The following LBX2 variants were observed in gnomAD, a reference collection of about 807,000 sequenced individuals.
LBX2 encodes transcription factor LBX2.
Under a neutral mutation model 7.5 loss-of-function variants are expected in LBX2, and 6 were observed. That is an observed-to-expected ratio of 0.80 (90% CI 0.44 to 1.59). LBX2 has a LOEUF of 1.59. Ranked by LOEUF, LBX2 falls within the 40% of genes most tolerant of loss-of-function variation. The pLI is 0.01. For synonymous variants in LBX2, 143 were observed against 133.2 expected (o/e 1.07, Z -0.51); for missense variants, 281 against 282.0 (o/e 1.00, Z 0.03).
At position 74,498,097 on chromosome 2, in the gene LBX2, C is replaced by A; in HGVS notation, c.427G>T (p.Asp143Tyr). 1 of 1,613,184 alleles carries A rather than the reference C, an allele frequency of 6.2e-7. No homozygotes were observed. The highest frequency in any genetic ancestry group is 1.7e-5 in the Admixed American group (1 of 59,984). ...FQNRRAKLKRDVEEMRADVAS... is the reference protein window; with the variant it reads ...FQNRRAKLKRYVEEMRADVAS... ...ACGTCGGCGCGCATCTCCTCCACAT[C>A]GCGCTTGAGCTTGGCTCGCCGGTTC... The change falls in exon 2 of 2, where the codon GAT (aspartate) becomes TAT (tyrosine). Residue 143 changes from aspartate (D) to tyrosine (Y), a missense_variant. Asp to Tyr is a radical substitution (Grantham distance 160). Coordinates refer to ENST00000377566, the MANE Select transcript of LBX2 (RefSeq NM_001282430.2).
intron 1 of LBX2, chr2:74,498,980 C>G: frequency 3.1e-6 from 1 of 321,978 alleles, no homozygotes; most frequent in East Asian, 6.2e-5. Flanking sequence ...TTCTGTGCCG[C>G]CTTTGCAGGC....
upstream of LBX2, chr2:74,499,828 CGG>C: frequency 1.9e-6 from 1 of 513,232 alleles, no homozygotes; most frequent in South Asian, 2.2e-5. The surrounding 1 kb of genome is among the most constrained non-coding windows in gnomAD (Gnocchi z 4.6). Context: ...CTCCGCGCTG[CGG>C]GGCGCTGCAC....
Position 74,499,215 on chromosome 2 carries a change from G to C in LBX2, c.205+118C>G. Reference sequence around the variant, plus strand: ...TGCGAGTCCTGGCACGTGGGCTGAGGACAGGGGAGGATTAGGGTGGGTGGC... The same window carrying C: ...TGCGAGTCCTGGCACGTGGGCTGAGCACAGGGGAGGATTAGGGTGGGTGGC... On this transcript the variant is annotated intron_variant, in intron 1 of 1. Transcript: ENST00000377566. This position sits in a 1 kb window ranked among gnomAD's most constrained non-coding sequence, Gnocchi z 4.6. 1 of 882,246 alleles carries C rather than the reference G, an allele frequency of 1.1e-6. No homozygotes were observed. The highest frequency in any genetic ancestry group is 1.8e-6 in the Non-Finnish European group (1 of 557,826). 54.7% of individuals were successfully genotyped at this position (882,246 alleles called of 1,614,324 possible). A position where few individuals can be genotyped will look rare whatever the true frequency, so the allele number is the denominator to read the frequency against.
chr2:74,502,938 C>T (rs1183516816), upstream of LBX2: 5 of 1,275,952 alleles, frequency 3.9e-6, no homozygotes, highest in Non-Finnish European at 5.4e-6. The surrounding 1 kb of genome is among the most constrained non-coding windows in gnomAD (Gnocchi z 5.4). Flanking sequence ...AATCCTGGTG[C>T]TGTCGCCTTT....
At chr2:74,499,971 A>C (rs1384486392), upstream of LBX2, among the ~76,000 whole-genome samples, 3 of 152,174 alleles carry the variant, frequency 2.0e-5, no homozygotes, top group Admixed American at 6.5e-5. This position sits in a 1 kb window ranked among gnomAD's most constrained non-coding sequence, Gnocchi z 4.6. Context: ...GGGGATTTGC[A>C]AAGTTCTGAG....
upstream of LBX2, chr2:74,502,999 G>A (rs2104307886): frequency 1.4e-6 from 1 of 722,308 alleles, no homozygotes. The surrounding 1 kb of genome is among the most constrained non-coding windows in gnomAD (Gnocchi z 5.4). Flanking sequence ...CAGGGGCAAG[G>A]TTTGGCCCTC....
In LBX2 at chr2:74,499,077, G is replaced by A. The variant is rs900689821; in HGVS notation, c.205+256C>T. ...GCGATTGCCCCGCCTACAAGGAACA[G>A]AGCAACAGGTCGCTCAGTTGGCGAC... On this transcript the variant is annotated intron_variant, in intron 1 of 1. Transcript: ENST00000377566. The surrounding 1 kb of genome is among the most constrained non-coding windows in gnomAD (Gnocchi z 4.6). The A allele has an allele frequency of 8.6e-6, 5 of 579,388 alleles. No homozygotes were observed. The Admixed American group carries it at 1.2e-4, about 14-fold the overall frequency. The allele number at this position is 579,388 out of a possible 1,614,324, so 35.9% of individuals were successfully genotyped here.
At chr2:74,499,697 A>ACCTCTCCT, upstream of LBX2, 3 of 697,400 alleles carry the variant, frequency 4.3e-6, no homozygotes, top group Non-Finnish European at 7.0e-6. The surrounding 1 kb of genome is among the most constrained non-coding windows in gnomAD (Gnocchi z 4.6). Context: ...CCACCTCTCC[A>ACCTCTCCT]CCCCGGGCCG....
intron 1 of LBX2, chr2:74,498,547 C>T (rs1189835029): frequency 3.6e-6 from 2 of 555,782 alleles, no homozygotes; most frequent in African/African-American, 1.9e-5. Flanking sequence ...AGGCTGAGGG[C>T]ATATTGTAGG....
chr2:74,499,552 G>A lies in LBX2; in HGVS notation c.-15C>T. The A allele has an allele frequency of 6.5e-7, 1 of 1,542,762 alleles. No homozygotes were observed. Among genetic ancestry groups the A allele is most frequent in the Non-Finnish European group, 8.8e-7 (1 of 1,142,024 alleles). Reference sequence around the variant, plus strand: ...CCCGAGTTCATGGTCGGCCGGGCTGGGGCGGTCCGGCTGTCCGTTGCGCTA... The same window carrying A: ...CCCGAGTTCATGGTCGGCCGGGCTGAGGCGGTCCGGCTGTCCGTTGCGCTA... On this transcript the variant is annotated 5_prime_UTR_variant, in exon 1 of 2. Transcript: ENST00000377566. This position sits in a 1 kb window ranked among gnomAD's most constrained non-coding sequence, Gnocchi z 4.6.
chr2:74,500,079 C>G (rs556636975), upstream of LBX2, among the ~76,000 whole-genome samples: 39 of 152,282 alleles, frequency 2.6e-4, no homozygotes, highest in African/African-American at 9.4e-4. Context: ...CCCTGAGAAA[C>G]GTTGTTTCTG....
At chr2:74,499,861 C>T (rs1674448864), upstream of LBX2, 1 of 381,378 alleles carries the variant, frequency 2.6e-6, no homozygotes, top group Admixed American at 4.3e-5. This position sits in a 1 kb window ranked among gnomAD's most constrained non-coding sequence, Gnocchi z 4.6. Context: ...CAGGCCGGGC[C>T]ATACCTCCAG....
upstream of LBX2, among the ~76,000 whole-genome samples, chr2:74,501,146 A>G (rs775915181): frequency 4.6e-5 from 7 of 152,104 alleles, no homozygotes; most frequent in Non-Finnish European, 7.4e-5. Flanking sequence ...CAACATTCAC[A>G]TAATGCCCTC....
upstream of LBX2, chr2:74,502,299 C>A (rs1298959082): frequency 1.2e-5 from 3 of 260,158 alleles, no homozygotes; most frequent in African/African-American, 6.7e-5. This position sits in a 1 kb window ranked among gnomAD's most constrained non-coding sequence, Gnocchi z 5.4. Flanking sequence ...CCCGGGCCGC[C>A]CCCGCTCGAC....
At chr2:74,499,706 C>G (rs946206585), upstream of LBX2, 8 of 666,272 alleles carry the variant, frequency 1.2e-5, no homozygotes, top group Non-Finnish European at 2.0e-5. The surrounding 1 kb of genome is among the most constrained non-coding windows in gnomAD (Gnocchi z 4.6). Flanking sequence ...CACCCCGGGC[C>G]GCGGTGGATC....
upstream of LBX2, chr2:74,499,762 A>T: frequency 1.7e-6 from 1 of 593,594 alleles, no homozygotes; most frequent in Admixed American, 3.0e-5. This position sits in a 1 kb window ranked among gnomAD's most constrained non-coding sequence, Gnocchi z 4.6. Context: ...AGGCTGGGGC[A>T]GGCGCGGAGA....
upstream of LBX2, chr2:74,502,650 T>C: frequency 6.2e-7 from 1 of 1,612,858 alleles, no homozygotes; most frequent in Non-Finnish European, 8.5e-7. The surrounding 1 kb of genome is among the most constrained non-coding windows in gnomAD (Gnocchi z 5.4). Context: ...CCGGTCCTTA[T>C]ATCTTAGTTT....
upstream of LBX2, chr2:74,503,083 G>A (rs1003382873): frequency 2.6e-4 from 130 of 499,256 alleles, 1 homozygote; most frequent in Non-Finnish European, 4.1e-4. The surrounding 1 kb of genome is among the most constrained non-coding windows in gnomAD (Gnocchi z 5.1). Context: ...GGCGCCCTGG[G>A]GTGGTCCTGC....
Position 74,497,614 on chromosome 2 carries a change from C to A in LBX2, c.*313G>T. ...AAAAAAAAAAGTTTTTTAAATTAGC[C>A]TGGGGTGGTGCTGCACGCCTGTAAT... is the stretch of plus-strand genomic sequence containing the variant. On this transcript the variant is annotated 3_prime_UTR_variant, in exon 2 of 2. Coordinates refer to ENST00000377566, the MANE Select transcript of LBX2 (RefSeq NM_001282430.2). 3.3e-6 allele frequency: 1 copy of A among 307,002 alleles called. No homozygotes were observed. Among genetic ancestry groups the A allele is most frequent in the Non-Finnish European group, 5.9e-6 (1 of 168,314 alleles). 19.0% of individuals were successfully genotyped at this position (307,002 alleles called of 1,614,324 possible).
Sources: allele counts gnomAD v4.1 joint callset (sites outside exome capture counted in the v4.1 genomes callset), GRCh38; gene constraint gnomAD v4.1.1; non-coding constraint Gnocchi (gnomAD v3.1); transcripts MANE v1.5; gene names NCBI Gene and HGNC (gene_info 2026-07-23, HGNC 2026-07-21).